Variants in AGO4 observed in about 807,000 individuals in gnomAD.
AGO4 encodes protein argonaute-4.
AGO4 carries 33 observed loss-of-function variants against 104.7 expected under a neutral mutation model. That is an observed-to-expected ratio of 0.32 (90% CI 0.24 to 0.42). The LOEUF (loss-of-function observed/expected upper bound fraction) is 0.42. Among genes scored for constraint, AGO4 ranks in the 10% least tolerant of loss-of-function variants. The pLI, the probability that AGO4 is intolerant of heterozygous loss-of-function variation, is 1.00. For missense variants in AGO4, 711 were observed against 1,083.4 expected (o/e 0.66, Z 4.83); for synonymous variants, 331 against 364.7 (o/e 0.91, Z 1.05).
chr1:35,843,076 T>G (rs951407543), intron 15 of AGO4, among the ~76,000 whole-genome samples: 1 of 152,102 alleles, frequency 6.6e-6, no homozygotes, highest in African/African-American at 2.4e-5. Context: ...TTTTTTCTCT[T>G]TTTTTGAGAC....
chr1:35,813,761 A>G (rs563365000), intron 1 of AGO4, among the ~76,000 whole-genome samples: 1 of 150,038 alleles, frequency 6.7e-6, no homozygotes, highest in East Asian at 2.0e-4. Context: ...AAAAAGAAAA[A>G]AAGAAGAAGA....
intron 12 of AGO4, 57 bp downstream of exon 12, chr1:35,834,231 C>T (rs908683740): frequency 7.9e-5 from 110 of 1,388,824 alleles, no homozygotes; most frequent in Non-Finnish European, 1.0e-4. Context: ...ATATAACAGT[C>T]AGGATAAGCT....
chr1:35,834,201 G>A, intron 12 of AGO4, 27 bp downstream of exon 12: 1 of 1,482,606 alleles, frequency 6.7e-7, no homozygotes, highest in Admixed American at 2.3e-5. Flanking sequence ...TGCTGAATGA[G>A]GGATGATTTC....
intron 9 of AGO4, 44 bp downstream of exon 9, chr1:35,831,975 C>T: frequency 6.2e-7 from 1 of 1,605,128 alleles, no homozygotes; most frequent in Non-Finnish European, 8.5e-7. Context: ...TTTGAGATGA[C>T]AAAAAACAAA....
At chr1:35,809,023 C>T (rs72659684) in intron 1 of AGO4, among the ~76,000 whole-genome samples, 6,856 of 152,320 alleles carry the variant, frequency 0.045, 219 homozygotes, top group South Asian at 0.065. Flanking sequence ...GCCTCTGTCA[C>T]TCAGTCTGTG....
In AGO4 at chr1:35,826,329, C is replaced by T. The variant is rs1248019865; in HGVS notation, c.760+269C>T. ...CATAGTACCTGTCACATATCAGGCA[C>T]TCAGTAAATGCTATGCTTACCCACT... On this transcript the variant is annotated intron_variant, in intron 6 of 17. Transcript: ENST00000373210. Among the ~76,000 whole-genome samples the T allele has an allele frequency of 2.0e-5, 3 of 152,178 alleles. No homozygotes were observed. The East Asian group carries it at 5.8e-4, about 29-fold the overall frequency.
intron 15 of AGO4, among the ~76,000 whole-genome samples, chr1:35,845,471 T>G (rs1644550867): frequency 6.6e-6 from 1 of 152,114 alleles, no homozygotes; most frequent in African/African-American, 2.4e-5. Flanking sequence ...CCTCCCAAAG[T>G]GCTGGGATTA....
At chr1:35,826,598 G>C in intron 6 of AGO4, 150 bp from the exon 7 acceptor site, 1 of 706,062 alleles carries the variant, frequency 1.4e-6, no homozygotes, top group South Asian at 1.6e-5. Flanking sequence ...GCTTAACTCA[G>C]GTTTTTTGCC....
At position 35,816,911 on chromosome 1, in the gene AGO4, C is replaced by G. The variant is rs140000177; in HGVS notation, c.49C>G (p.Arg17Gly). 6.2e-7 allele frequency: 1 copy of G among 1,613,098 alleles called. No individual in the cohort carries two copies. Among genetic ancestry groups the G allele is most frequent in the Non-Finnish European group, 8.5e-7 (1 of 1,179,588 alleles). The change falls in exon 2 of 18, where the codon CGT becomes GGT. Residue 17 changes from arginine (R) to glycine (G), a missense_variant. Around this residue, in one of 3 missense-constraint regions of AGO4, gnomAD observed 308 missense variants for 397.8 expected, o/e 0.77. Transcript: ENST00000373210. ...GPPASLFQPP[R>G]RPGLGTVGKP... Reference sequence around the variant, plus strand: ...TCCGGCTAGCCTGTTTCAGCCACCTCGTCGTCCTGGCCTTGGAACTGTTGG... The same window carrying G: ...TCCGGCTAGCCTGTTTCAGCCACCTGGTCGTCCTGGCCTTGGAACTGTTGG...
chr1:35,809,297 CA>C (rs1643420806), intron 1 of AGO4, among the ~76,000 whole-genome samples: 1 of 152,196 alleles, frequency 6.6e-6, no homozygotes, highest in African/African-American at 2.4e-5. Context: ...GCTTCCACCT[CA>C]AAGCCCAACA....
intron 13 of AGO4, among the ~76,000 whole-genome samples, chr1:35,838,771 G>A (rs1265725633): frequency 6.6e-6 from 1 of 152,088 alleles, no homozygotes; most frequent in African/African-American, 2.4e-5. Context: ...AATAATATCT[G>A]CCTTGTTAAC....
chr1:35,853,528 A>G lies in AGO4; in HGVS notation c.2509A>G (p.Asn837Asp). Residue 837 changes from asparagine to aspartate, a missense_variant, in exon 18 of 18, where the codon AAC (asparagine) becomes GAC (aspartate). Physicochemically the swap from Asn to Asp is conservative, Grantham distance 23. Transcript: ENST00000373210. ...AGGCAGTCATGTGTCAGGACAGAGC[A>G]ACGGCCGGGATCCTCAGGCCTTGGC... ...AEGSHVSGQS[N>D]GRDPQALAKA... 1 of 1,613,886 alleles carries G rather than the reference A, an allele frequency of 6.2e-7. No homozygotes were observed. Among genetic ancestry groups the G allele is most frequent in the Non-Finnish European group, 8.5e-7 (1 of 1,179,924 alleles).
chr1:35,830,550 T>TA (rs1557564024), intron 7 of AGO4, among the ~76,000 whole-genome samples: 2 of 152,230 alleles, frequency 1.3e-5, no homozygotes, highest in South Asian at 4.1e-4. Context: ...GTTATTTTTT[T>TA]AAAATTCTTC....
rs1466454010 is a variant in AGO4, at chr1:35,855,704, C to G, written c.*2099C>G. ...CTCACTTGGATAATACAAATCAGGA[C>G]ATGTTGGTGAGGGGCTGGCTGCTTG... On this transcript the variant is annotated 3_prime_UTR_variant, in exon 18 of 18. Transcript: ENST00000373210. 2 of 142,552 alleles carry G rather than the reference C, an allele frequency of 1.4e-5. No individual in the cohort carries two copies. Among genetic ancestry groups the G allele is most frequent in the Non-Finnish European group, 3.0e-5 (2 of 66,764 alleles). The allele number at this position is 142,552 out of a possible 1,614,324, so 8.8% of individuals were successfully genotyped here. A position where few individuals can be genotyped will look rare whatever the true frequency, so the allele number is the denominator to read the frequency against.
intron 13 of AGO4, among the ~76,000 whole-genome samples, 165 bp from the exon 14 acceptor site, chr1:35,841,000 G>T (rs139417566): frequency 6.6e-6 from 1 of 152,072 alleles, no homozygotes; most frequent in Non-Finnish European, 1.5e-5. Flanking sequence ...CACTGTACTG[G>T]GTGACATCAA....
In AGO4 at chr1:35,832,191, CT is replaced by C. The variant is rs1452531759; in HGVS notation, c.1245+11del. ...TGCTGCAATATGGAGGCCGGGTAAGCTTTTTATTTTATTCAGCAAGCTTCTT... is the reference window on the plus strand; with the variant it reads ...TGCTGCAATATGGAGGCCGGGTAAGCTTTTATTTTATTCAGCAAGCTTCTT... On this transcript the variant is annotated splice_region_variant and intron_variant, in intron 10 of 17. Coordinates refer to ENST00000373210, the MANE Select transcript of AGO4 (RefSeq NM_017629.4). The C allele has an allele frequency of 6.2e-7, 1 of 1,609,590 alleles. No homozygotes were observed. The highest frequency in any genetic ancestry group is 8.5e-7 in the Non-Finnish European group (1 of 1,178,958).
intron 11 of AGO4, 52 bp from the exon 12 acceptor site, chr1:35,833,938 A>C: frequency 1.5e-6 from 2 of 1,319,270 alleles, no homozygotes; most frequent in Non-Finnish European, 2.0e-6. Context: ...AATGAATGCT[A>C]GAAATGTACT....
At chr1:35,818,730 A>T (rs977933251) in intron 2 of AGO4, among the ~76,000 whole-genome samples, 3 of 150,750 alleles carry the variant, frequency 2.0e-5, no homozygotes, top group Admixed American at 2.0e-4. Flanking sequence ...ATAATTCTGG[A>T]TTGCTGGAGT....
intron 12 of AGO4, among the ~76,000 whole-genome samples, chr1:35,834,467 A>G (rs1314321219): frequency 6.6e-6 from 1 of 152,180 alleles, no homozygotes; most frequent in Non-Finnish European, 1.5e-5. Context: ...AACCAGCCAT[A>G]TGGCCTTACC....
Sources: gnomAD v4.1 joint callset for allele counts (sites outside exome capture counted in the v4.1 genomes callset) on GRCh38, gnomAD v4.1.1 for gene constraint, gnomAD v4.1.1 regional missense constraint, MANE v1.5 for transcripts, NCBI Gene and HGNC (gene_info 2026-07-23, HGNC 2026-07-21) for gene names.